ROBO1: variants seen among roughly 807,000 people sequenced by gnomAD.
The protein encoded by ROBO1 is roundabout homolog 1.
Under a neutral mutation model 195.9 loss-of-function variants are expected in ROBO1, and 149 were observed. The ratio of observed to expected loss-of-function variants is 0.76; its 90% CI spans 0.67 to 0.87. ROBO1 has a LOEUF of 0.87. Ranked by LOEUF, ROBO1 falls within the 40% of genes least tolerant of loss-of-function variation. The pLI, the probability that ROBO1 is intolerant of heterozygous loss-of-function variation, is 0.00. For synonymous variants in ROBO1, 816 were observed against 733.2 expected (o/e 1.11, Z -1.82); for missense variants, 1,933 against 2,068.3 (o/e 0.93, Z 1.27).
intron 2 of ROBO1, among the ~76,000 whole-genome samples, chr3:79,419,971 T>C (rs1353569588): frequency 6.6e-6 from 1 of 152,088 alleles, no homozygotes; most frequent in Non-Finnish European, 1.5e-5. Flanking sequence ...ATCTATGAAA[T>C]TTACTTCTGG....
intron 2 of ROBO1, among the ~76,000 whole-genome samples, chr3:79,158,066 G>A (rs527382906): frequency 6.6e-6 from 1 of 151,686 alleles, no homozygotes; most frequent in African/African-American, 2.4e-5. Flanking sequence ...TTTCATAAAA[G>A]AAAAGAGTAC....
At chr3:79,733,250 T>C (rs1703231718) in intron 1 of ROBO1, among the ~76,000 whole-genome samples, 1 of 152,258 alleles carries the variant, frequency 6.6e-6, no homozygotes, top group African/African-American at 2.4e-5. Context: ...AATTATCTTC[T>C]TATCTTCTAT....
At chr3:78,653,904 C>T (rs1390641044) in intron 18 of ROBO1, among the ~76,000 whole-genome samples, 1 of 152,172 alleles carries the variant, frequency 6.6e-6, no homozygotes, top group Non-Finnish European at 1.5e-5. Context: ...CACCCACAAC[C>T]AAATTCTCCA....
Position 79,579,516 on chromosome 3 carries a change from A to C in ROBO1, c.88+10308T>G, listed in dbSNP as rs565869300. Among the ~76,000 whole-genome samples, 3 of 152,296 alleles carry C rather than the reference A, an allele frequency of 2.0e-5. No individual in the cohort carries two copies. The South Asian group carries it at 6.2e-4, about 32-fold the overall frequency. On this transcript the variant is annotated intron_variant, in intron 2 of 30. Coordinates refer to ENST00000464233, the MANE Select transcript of ROBO1 (RefSeq NM_002941.4). ...ATTGCCAAGTCTTTTGGAAAGGATG[A>C]AAGAAACTTCAAAGCAATGAGAGAT...
At chr3:78,694,467 G>A (rs571507751) in intron 8 of ROBO1, among the ~76,000 whole-genome samples, 1 of 152,206 alleles carries the variant, frequency 6.6e-6, no homozygotes, top group South Asian at 2.1e-4. Flanking sequence ...AAAATTTAAA[G>A]GCAATTTAGA....
At chr3:79,258,249 A>G (rs1222797766) in intron 2 of ROBO1, among the ~76,000 whole-genome samples, 1 of 152,150 alleles carries the variant, frequency 6.6e-6, no homozygotes, top group Non-Finnish European at 1.5e-5. Flanking sequence ...TAACCACACA[A>G]TGTTTTACTT....
At chr3:78,605,971 A>G (rs1011597035) in intron 29 of ROBO1, among the ~76,000 whole-genome samples, 1 of 152,102 alleles carries the variant, frequency 6.6e-6, no homozygotes, top group East Asian at 1.9e-4. Context: ...CAGTGCTTTC[A>G]TATTTTATAC....
intron 4 of ROBO1, among the ~76,000 whole-genome samples, chr3:78,908,515 C>A (rs1164900361): frequency 6.6e-6 from 1 of 151,936 alleles, no homozygotes; most frequent in Non-Finnish European, 1.5e-5. Context: ...ATATTAAAAG[C>A]TGGTTATAGA....
chr3:79,090,681 T>G (rs1343621937), intron 3 of ROBO1, among the ~76,000 whole-genome samples: 3 of 152,224 alleles, frequency 2.0e-5, no homozygotes, highest in Admixed American at 6.5e-5. Flanking sequence ...ACCTCTATTT[T>G]CTTATCGGTA....
chr3:79,664,076 T>C (rs976764820), intron 1 of ROBO1, among the ~76,000 whole-genome samples: 17 of 152,168 alleles, frequency 1.1e-4, no homozygotes, highest in Admixed American at 1.0e-3. Flanking sequence ...CTTAATTCTT[T>C]CAAAATATTT....
At chr3:79,537,077 G>A (rs1040430421) in intron 2 of ROBO1, among the ~76,000 whole-genome samples, 1 of 151,100 alleles carries the variant, frequency 6.6e-6, no homozygotes, top group Non-Finnish European at 1.5e-5. Flanking sequence ...TGCCTTAGTG[G>A]TCTTCATTTA....
At chr3:79,468,823 G>A (rs59567596) in intron 2 of ROBO1, among the ~76,000 whole-genome samples, 2,125 of 152,076 alleles carry the variant, frequency 0.014, 40 homozygotes, top group African/African-American at 0.047. Context: ...TAAACTTCTC[G>A]GAGTTTTAGT....
At chr3:79,581,807 C>G (rs111826529) in intron 2 of ROBO1, among the ~76,000 whole-genome samples, 2 of 152,012 alleles carry the variant, frequency 1.3e-5, no homozygotes, top group African/African-American at 4.8e-5. Flanking sequence ...AAAAAAATTA[C>G]TGTTTCAATA....
chr3:79,115,416 C>A (rs967898217), intron 3 of ROBO1, among the ~76,000 whole-genome samples: 4 of 152,070 alleles, frequency 2.6e-5, no homozygotes, highest in African/African-American at 9.7e-5. Context: ...TGAACACTTA[C>A]AAATAAATAT....
chr3:79,550,216 G>GAAAAGAA (rs56913428), intron 2 of ROBO1, among the ~76,000 whole-genome samples: 3 of 135,284 alleles, frequency 2.2e-5, no homozygotes, highest in African/African-American at 8.5e-5. Context: ...GAAAAGAAAA[G>GAAAAGAA]AAAAGAAAAG....
intron 3 of ROBO1, chr3:79,018,634 G>GT: frequency 7.0e-7 from 1 of 1,436,926 alleles, no homozygotes. Flanking sequence ...ACGCTTGTCA[G>GT]TATCTCAGAG....
chr3:79,169,169 T>C (rs1160928700), intron 2 of ROBO1, among the ~76,000 whole-genome samples: 1 of 152,162 alleles, frequency 6.6e-6, no homozygotes, highest in Non-Finnish European at 1.5e-5. Context: ...CTGGGATCTC[T>C]TCAAGAGTAC....
chr3:79,347,233 C>A (rs2035158069), intron 2 of ROBO1, among the ~76,000 whole-genome samples: 1 of 151,994 alleles, frequency 6.6e-6, no homozygotes. Flanking sequence ...CCATAACATG[C>A]CTTAAATAGT....
At chr3:79,711,798 G>C (rs1044039165) in intron 1 of ROBO1, among the ~76,000 whole-genome samples, 4 of 152,014 alleles carry the variant, frequency 2.6e-5, no homozygotes, top group Admixed American at 2.0e-4. Flanking sequence ...TACATTATGC[G>C]TTCCCTTCCT....
Sources: allele counts gnomAD v4.1 joint callset (sites outside exome capture counted in the v4.1 genomes callset), GRCh38; gene constraint gnomAD v4.1.1; transcripts MANE v1.5; gene names NCBI Gene and HGNC (gene_info 2026-07-23, HGNC 2026-07-21).